RIMS1: variants seen among roughly 807,000 people sequenced by gnomAD.
RIMS1 encodes regulating synaptic membrane exocytosis protein 1.
In RIMS1, 83 loss-of-function variants were observed where a neutral mutation model predicts 214.1. The observed-to-expected ratio is 0.39, with a 90% CI of 0.32 to 0.47. The LOEUF (loss-of-function observed/expected upper bound fraction) is 0.47. Ranked by LOEUF, RIMS1 falls within the 20% of genes least tolerant of loss-of-function variation. The probability of loss-of-function intolerance (pLI) is 0.99; values close to 1 mark genes in which losing one functional copy is unlikely to be tolerated. For synonymous variants in RIMS1, 793 were observed against 786.8 expected, an observed-to-expected ratio of 1.01 and a Z score of -0.13; for missense variants, 2,050 against 2,161.8, an observed-to-expected ratio of 0.95 and a Z score of 1.03.
chr6:72,126,607 A>C (rs1245768438), intron 4 of RIMS1: 1 of 190,794 alleles, frequency 5.2e-6, no homozygotes. Flanking sequence ...CCATCAAAAC[A>C]TGGGCAAAGA....
chr6:72,173,552 C>A (rs1357850574), intron 4 of RIMS1, among the ~76,000 whole-genome samples: 2 of 151,616 alleles, frequency 1.3e-5, no homozygotes, highest in Admixed American at 1.3e-4. Flanking sequence ...TTAAATTCTT[C>A]TTTTATTGAG....
chr6:72,367,250 C>A (rs182401416), intron 29 of RIMS1, among the ~76,000 whole-genome samples: 100 of 152,196 alleles, frequency 6.6e-4, no homozygotes, highest in Non-Finnish European at 1.1e-3. Context: ...TTATATTTTT[C>A]TTTAAAACAA....
chr6:72,166,302 T>TG (rs1183941208), intron 4 of RIMS1, among the ~76,000 whole-genome samples: 2 of 148,494 alleles, frequency 1.3e-5, no homozygotes, highest in Admixed American at 1.4e-4. Context: ...TGGTGTCTGT[T>TG]TTTTTTTTTT....
chr6:72,379,800 G>C (rs1209633844), intron 29 of RIMS1, among the ~76,000 whole-genome samples: 1 of 152,196 alleles, frequency 6.6e-6, no homozygotes. Context: ...CACAGAACTA[G>C]TAAGTGGTAG....
At chr6:71,928,281 C>T (rs1582835640) in intron 1 of RIMS1, among the ~76,000 whole-genome samples, 1 of 151,966 alleles carries the variant, frequency 6.6e-6, no homozygotes, top group Non-Finnish European at 1.5e-5. Flanking sequence ...CAGTATACCC[C>T]GATCATCCTT....
chr6:72,052,984 T>G (rs1825139331), intron 2 of RIMS1, among the ~76,000 whole-genome samples: 1 of 152,174 alleles, frequency 6.6e-6, no homozygotes. Flanking sequence ...TAATCTTATT[T>G]AACCCATTTA....
intron 29 of RIMS1, among the ~76,000 whole-genome samples, chr6:72,362,606 G>A (rs2097861038): frequency 6.6e-6 from 1 of 152,152 alleles, no homozygotes; most frequent in Non-Finnish European, 1.5e-5. Context: ...ATCCCCAGTT[G>A]TTTAATATAC....
At chr6:72,247,235 C>T (rs2070423908) in intron 11 of RIMS1, among the ~76,000 whole-genome samples, 1 of 152,094 alleles carries the variant, frequency 6.6e-6, no homozygotes, top group Non-Finnish European at 1.5e-5. Flanking sequence ...TGGTGAATTA[C>T]TTGAAGCAGC....
At chr6:71,993,438 T>G (rs1802487540) in intron 2 of RIMS1, among the ~76,000 whole-genome samples, 1 of 152,198 alleles carries the variant, frequency 6.6e-6, no homozygotes, top group Non-Finnish European at 1.5e-5. Flanking sequence ...ACAGGAACAT[T>G]GCTATTTTGG....
intron 6 of RIMS1, among the ~76,000 whole-genome samples, chr6:72,187,680 G>T (rs943428319): frequency 7.2e-5 from 11 of 151,940 alleles, no homozygotes; most frequent in Non-Finnish European, 1.3e-4. Context: ...TTTTAGTAGA[G>T]ACAGGATTTC....
At chr6:71,992,930 G>A (rs1397170681) in intron 2 of RIMS1, among the ~76,000 whole-genome samples, 1 of 152,118 alleles carries the variant, frequency 6.6e-6, no homozygotes, top group Non-Finnish European at 1.5e-5. Flanking sequence ...CAAAGTGCAG[G>A]GATTACAGGT....
chr6:71,904,700 T>C (rs1383429802), intron 1 of RIMS1, among the ~76,000 whole-genome samples: 1 of 152,184 alleles, frequency 6.6e-6, no homozygotes, highest in Non-Finnish European at 1.5e-5. Context: ...AAATATCAAG[T>C]CAACTATAGG....
At position 72,160,841 on chromosome 6, in the gene RIMS1, T is replaced by G. The variant is rs1158924476; in HGVS notation, c.472-18734T>G. Among the ~76,000 whole-genome samples the G allele has an allele frequency of 1.2e-4, 17 of 140,536 alleles. 2 individuals carry two copies. Among genetic ancestry groups the G allele is most frequent in the African/African-American group, 4.2e-4 (17 of 40,622 alleles). 92.2% of individuals were successfully genotyped at this position (140,536 alleles called of 152,430 possible). ...TTCATCAGGGATATTGGTCTGAAAT[T>G]CTCTTTTTTTGTTGTGTCTCTGCCA... On this transcript the variant is annotated intron_variant, in intron 4 of 33. Coordinates refer to ENST00000521978, the MANE Select transcript of RIMS1 (RefSeq NM_014989.7).
chr6:72,235,818 C>A, intron 8 of RIMS1, 90 bp downstream of exon 8: 3 of 551,390 alleles, frequency 5.4e-6, no homozygotes, highest in South Asian at 6.1e-5. Flanking sequence ...TTTTAAATGT[C>A]ATTTAAATAT....
At chr6:71,899,503 CAT>C (rs940526471) in intron 1 of RIMS1, among the ~76,000 whole-genome samples, 56 of 151,234 alleles carry the variant, frequency 3.7e-4, no homozygotes, top group African/African-American at 1.1e-3. Context: ...CACACACACA[CAT>C]ATATATATAT....
intron 3 of RIMS1, among the ~76,000 whole-genome samples, chr6:72,097,917 T>A (rs2032315863): frequency 6.6e-6 from 1 of 152,176 alleles, no homozygotes; most frequent in Admixed American, 6.5e-5. Flanking sequence ...TACATTTTAA[T>A]GTTATACTTT....
chr6:71,923,492 C>T (rs1780628254), intron 1 of RIMS1, among the ~76,000 whole-genome samples: 1 of 152,108 alleles, frequency 6.6e-6, no homozygotes, highest in Non-Finnish European at 1.5e-5. Flanking sequence ...GTGGTAAAGA[C>T]ATGCCTGTTG....
chr6:71,986,417 A>G (rs1332898614), intron 2 of RIMS1, among the ~76,000 whole-genome samples: 1 of 152,182 alleles, frequency 6.6e-6, no homozygotes, highest in Non-Finnish European at 1.5e-5. Flanking sequence ...GAATTAGGAC[A>G]ACCAGATAGA....
chr6:72,265,639 T>C (rs2080185373), intron 21 of RIMS1, 136 bp downstream of exon 21: 1 of 565,574 alleles, frequency 1.8e-6, no homozygotes, highest in Admixed American at 3.4e-5. Context: ...GGTAATGAAA[T>C]TTTAGGCATT....
Sources: allele counts gnomAD v4.1 joint callset (sites outside exome capture counted in the v4.1 genomes callset), GRCh38; gene constraint gnomAD v4.1.1; transcripts MANE v1.5; gene names NCBI Gene and HGNC (gene_info 2026-07-23, HGNC 2026-07-21).